The following PLCB3 variants were observed in gnomAD, a reference collection of about 807,000 sequenced individuals.
PLCB3 encodes the protein phospholipase C beta 3.
PLCB3 carries 54 observed loss-of-function variants against 152.1 expected under a neutral mutation model. That is an observed-to-expected ratio of 0.36 (90% confidence interval 0.29 to 0.45). The LOEUF (loss-of-function observed/expected upper bound fraction) is 0.45. Ranked by LOEUF, PLCB3 falls within the 20% of genes least tolerant of loss-of-function variation. The pLI, the probability that PLCB3 is intolerant of heterozygous loss-of-function variation, is 1.00. For missense variants in PLCB3, 1,248 were observed against 1,687.5 expected, an observed-to-expected ratio of 0.74 and a Z score of 4.56; for synonymous variants, 717 against 698.7, an observed-to-expected ratio of 1.03 and a Z score of -0.41.
downstream of PLCB3, chr11:64,269,199 G>A (rs1344858301): frequency 3.9e-5 from 6 of 152,468 alleles, no homozygotes; most frequent in Non-Finnish European, 8.8e-5. Context: ...ACTCCTCCTT[G>A]CGCCGGGGGG....
intron 1 of PLCB3, among the ~76,000 whole-genome samples, chr11:64,252,006 C>A (rs1290102016): frequency 6.6e-6 from 1 of 151,958 alleles, no homozygotes; most frequent in Non-Finnish European, 1.5e-5. Flanking sequence ...ACCCCGTCCC[C>A]CCGTTTTCCA....
intron 12 of PLCB3, 43 bp from the exon 13 acceptor site, chr11:64,259,015 T>C (rs376657537): frequency 1.2e-6 from 2 of 1,612,504 alleles, no homozygotes; most frequent in Middle Eastern, 1.6e-4. Flanking sequence ...GCCAGGGTGC[T>C]GCGGACCCGG....
At chr11:64,268,271 T>C (rs146045553), downstream of PLCB3, among the ~76,000 whole-genome samples, 740 of 152,272 alleles carry the variant, frequency 4.9e-3, 4 homozygotes, top group African/African-American at 0.017. Flanking sequence ...CCGCTGGGGC[T>C]GCTCTGGGCC....
intron 2 of PLCB3, 56 bp from the exon 3 acceptor site, chr11:64,254,692 T>G: frequency 5.1e-6 from 8 of 1,575,146 alleles, no homozygotes; most frequent in Non-Finnish European, 7.0e-6. Context: ...GCTTGGAAGC[T>G]CCTGGCTATT....
At position 64,265,951 on chromosome 11, in the gene PLCB3, T is replaced by G. The variant is rs1356245504; in HGVS notation, c.3101T>G (p.Phe1034Cys). The change falls in exon 26 of 31, where the codon TTC becomes TGC. Residue 1034 changes from phenylalanine (F) to cysteine (C), a missense_variant. By Grantham distance (205) the Phe-to-Cys change is radical. Coordinates refer to ENST00000279230, the MANE Select transcript of PLCB3 (RefSeq NM_000932.5). ...GEDEAKRYQE[F>C]QNRQVQSLLE... is the part of the protein sequence containing the mutation. ...GACGAGGCAAAGCGGTATCAGGAGT[T>G]CCAGAACAGACAGGTGCAGAGCCTG... is the stretch of plus-strand genomic sequence containing the variant. 6.2e-7 allele frequency: 1 copy of G among 1,613,844 alleles called. No homozygotes were observed. Among genetic ancestry groups the G allele is most frequent in the Admixed American group, 1.7e-5 (1 of 60,018 alleles).
At position 64,266,466 on chromosome 11, in the gene PLCB3, C is replaced by T. The variant is rs756031144; in HGVS notation, c.3357-29C>T. The T allele has an allele frequency of 6.2e-7, 1 of 1,611,242 alleles. No individual in the cohort carries two copies. The highest frequency in any genetic ancestry group is 8.5e-7 in the Non-Finnish European group (1 of 1,177,628). The stretch of plus-strand genomic sequence containing the variant: ...GGGAGGCAGGGCAGGTGTCTGGGCC[C>T]CGAGCCATCCTGCGTTGCTCCCGTG... On this transcript the variant is annotated intron_variant, in intron 28 of 30. Transcript: ENST00000279230. The surrounding 1 kb of genome is among the most constrained non-coding windows in gnomAD (Gnocchi z 4.9).
intron 2 of PLCB3, 70 bp downstream of exon 2, chr11:64,254,562 G>T (rs1361133007): frequency 1.3e-6 from 2 of 1,498,526 alleles, no homozygotes; most frequent in South Asian, 1.1e-5. Flanking sequence ...CCTGCCCGTG[G>T]GGGTGGGGCC....
intron 2 of PLCB3, 59 bp downstream of exon 2, chr11:64,254,551 C>A: frequency 1.3e-6 from 2 of 1,542,254 alleles, no homozygotes; most frequent in Non-Finnish European, 1.8e-6. Flanking sequence ...CAGACCCCTG[C>A]CCTGCCCGTG....
Position 64,255,486 on chromosome 11 carries a change from T to C in PLCB3, c.521+37T>C. ...TTCCCCCAGCACCTTCCTCCTGCCC[T>C]GACCTTGGTGACCTTTGTCCTCCAC... is the stretch of plus-strand genomic sequence containing the variant. On this transcript the variant is annotated intron_variant, in intron 6 of 30. Coordinates refer to ENST00000279230, the MANE Select transcript of PLCB3 (RefSeq NM_000932.5). The surrounding 1 kb of genome is among the most constrained non-coding windows in gnomAD (Gnocchi z 6.8). 6.2e-7 allele frequency: 1 copy of C among 1,613,950 alleles called. No homozygotes were observed. The highest frequency in any genetic ancestry group is 8.5e-7 in the Non-Finnish European group (1 of 1,179,818).
In PLCB3 at chr11:64,258,728, G is replaced by A; in HGVS notation, c.1253+15G>A. 1 of 1,613,046 alleles carries A rather than the reference G, an allele frequency of 6.2e-7. No homozygotes were observed. The highest frequency in any genetic ancestry group is 8.5e-7 in the Non-Finnish European group (1 of 1,179,444). On this transcript the variant is annotated intron_variant, in intron 11 of 30. Coordinates refer to ENST00000279230, the MANE Select transcript of PLCB3 (RefSeq NM_000932.5). This position sits in a 1 kb window ranked among gnomAD's most constrained non-coding sequence, Gnocchi z 7.2. ...CATGTGGACTCGTGAGTGAGCCCCT[G>A]GCATGAAACCCCATGGACCGGGGGA...
Position 64,256,383 on chromosome 11 carries a change from A to T in PLCB3, c.706A>T (p.Lys236Ter). The change falls in exon 9 of 31, where the codon AAG becomes TAG. Residue 236 changes from lysine (K) to a stop codon, truncating the protein, a stop_gained. Transcript: ENST00000279230. LOFTEE classifies it high-confidence loss of function. ...IDKILLEIGA[K>*]GKPYLTLEQL... is the part of the protein sequence containing the mutation. ...GCTTCCTGTCCCCTCCAGAGGCGCC[A>T]AGGGCAAGCCATACCTGACGCTGGA... The T allele has an allele frequency of 6.2e-7, 1 of 1,613,164 alleles. No individual in the cohort carries two copies. The highest frequency in any genetic ancestry group is 8.5e-7 in the Non-Finnish European group (1 of 1,179,928).
In PLCB3 at chr11:64,251,555, CGCCGCGGGGCCGGAGCGG is replaced by C; in HGVS notation, c.-88_-71del. The stretch of plus-strand genomic sequence containing the variant: ...AGACTGGCGGGCGGGCGGGCACTGA[CGCCGCGGGGCCGGAGCGG>C]GCCGCGCGGTGGGAGCAGCGGCGCC... On this transcript the variant is annotated 5_prime_UTR_variant, in exon 1 of 31. Transcript: ENST00000279230. 2.5e-6 allele frequency: 1 copy of C among 404,800 alleles called. No individual in the cohort carries two copies. The highest frequency in any genetic ancestry group is 1.1e-4 in the South Asian group (1 of 8,730). The allele number at this position is 404,800 out of a possible 1,614,324, so 25.1% of individuals were successfully genotyped here.
In PLCB3 at chr11:64,255,914, T is replaced by C. The variant is rs1379950994; in HGVS notation, c.698+93T>C. On this transcript the variant is annotated intron_variant, in intron 8 of 30. Coordinates refer to ENST00000279230, the MANE Select transcript of PLCB3 (RefSeq NM_000932.5). The surrounding 1 kb of genome is among the most constrained non-coding windows in gnomAD (Gnocchi z 6.8). ...GCTCAATGGGGAGAGGGGAAACTGGTGGGCCGGGTCCTGGAGCGCCAGGGG... is the reference window on the plus strand; with the variant it reads ...GCTCAATGGGGAGAGGGGAAACTGGCGGGCCGGGTCCTGGAGCGCCAGGGG... 5 of 1,005,888 alleles carry C rather than the reference T, an allele frequency of 5.0e-6. No homozygotes were observed. In the African/African-American group the frequency reaches 7.9e-5, roughly 16 times the overall value. 62.3% of individuals were successfully genotyped at this position (1,005,888 alleles called of 1,614,324 possible).
rs2031445715 is a variant in PLCB3 at position 64,255,053 on chromosome 11, A to C, written c.387+15A>C. 27 of 1,569,770 alleles carry C rather than the reference A, an allele frequency of 1.7e-5. No homozygotes were observed. Among genetic ancestry groups the C allele is most frequent in the Non-Finnish European group, 2.3e-5 (27 of 1,154,922 alleles). On this transcript the variant is annotated intron_variant, in intron 4 of 30. Transcript: ENST00000279230. This position sits in a 1 kb window ranked among gnomAD's most constrained non-coding sequence, Gnocchi z 6.8. ...ACACAGCCAAGGTGGGCTGGCACCA[A>C]GGGGACGAAGGGGGAGTCACTGTCT...
intron 17 of PLCB3, 82 bp downstream of exon 17, chr11:64,262,158 A>G: frequency 6.3e-7 from 1 of 1,574,946 alleles, no homozygotes; most frequent in Non-Finnish European, 8.7e-7. Context: ...TCTTGCCTGA[A>G]TGGACCTCTG....
At position 64,255,072 on chromosome 11, in the gene PLCB3, A is replaced by T; in HGVS notation, c.387+34A>T. 6.3e-7 allele frequency: 1 copy of T among 1,575,680 alleles called. No individual in the cohort carries two copies. Among genetic ancestry groups the T allele is most frequent in the Non-Finnish European group, 8.6e-7 (1 of 1,157,074 alleles). On this transcript the variant is annotated intron_variant, in intron 4 of 30. Transcript: ENST00000279230. The surrounding 1 kb of genome is among the most constrained non-coding windows in gnomAD (Gnocchi z 6.8). ...GCACCAAGGGGACGAAGGGGGAGTC[A>T]CTGTCTTATTCTGTGAGTCGGCCGT...
intron 14 of PLCB3, 93 bp from the exon 15 acceptor site, chr11:64,261,307 G>A (rs1287833203): frequency 2.2e-6 from 2 of 909,042 alleles, no homozygotes; most frequent in East Asian, 4.8e-5. Context: ...ATAGTGCTGG[G>A]AAGAGGGTCA....
Position 64,255,632 on chromosome 11 carries a change from A to T in PLCB3, c.597+16A>T. ...ATTCAACCGGGTGTGTGGGGTGGGGACAGGGGCGGGGTGGGGTGTCACGGT... is the reference window on the plus strand; with the variant it reads ...ATTCAACCGGGTGTGTGGGGTGGGGTCAGGGGCGGGGTGGGGTGTCACGGT... On this transcript the variant is annotated intron_variant, in intron 7 of 30. Transcript: ENST00000279230. The surrounding 1 kb of genome is among the most constrained non-coding windows in gnomAD (Gnocchi z 6.8). 2 of 1,134,994 alleles carry T rather than the reference A, an allele frequency of 1.8e-6. No homozygotes were observed. The highest frequency in any genetic ancestry group is 2.6e-6 in the Non-Finnish European group (2 of 767,642). 70.3% of individuals were successfully genotyped at this position (1,134,994 alleles called of 1,614,324 possible).
At position 64,266,840 on chromosome 11, in the gene PLCB3, C is replaced by A. The variant is rs2032147259; in HGVS notation, c.3414+288C>A. Among the ~76,000 whole-genome samples the A allele has an allele frequency of 1.3e-5, 2 of 152,184 alleles. No homozygotes were observed. The highest frequency in any genetic ancestry group is 2.9e-5 in the Non-Finnish European group (2 of 68,030). ...TTTGAGACAGAGTCTCACTCTGTCG[C>A]CCAGGCTGGAGTGCAGTGGCGCGAT... On this transcript the variant is annotated intron_variant, in intron 29 of 30. Coordinates refer to ENST00000279230, the MANE Select transcript of PLCB3 (RefSeq NM_000932.5). This position sits in a 1 kb window ranked among gnomAD's most constrained non-coding sequence, Gnocchi z 4.9.
Sources: gnomAD v4.1 joint callset for allele counts (sites outside exome capture counted in the v4.1 genomes callset) on GRCh38, gnomAD v4.1.1 for gene constraint, Gnocchi (gnomAD v3.1) non-coding constraint, MANE v1.5 for transcripts, NCBI Gene and HGNC (gene_info 2026-07-23, HGNC 2026-07-21) for gene names.